CPED1: variants seen among roughly 807,000 people sequenced by gnomAD.
CPED1 encodes the protein cadherin like and PC-esterase domain containing 1, also known as cadherin-like and PC-esterase domain-containing protein 1.
CPED1 carries 114 observed loss-of-function variants against 128.2 expected under a neutral mutation model. The observed-to-expected ratio is 0.89, with a 90% confidence interval of 0.76 to 1.04. The LOEUF is 1.04. Ranked by LOEUF, CPED1 falls within the 50% of genes least tolerant of loss-of-function variation. The pLI, the probability that CPED1 is intolerant of heterozygous loss-of-function variation, is 0.00. For missense variants in CPED1, 1,211 were observed against 1,207.1 expected (o/e 1.00, Z -0.05); for synonymous variants, 462 against 426.7 (o/e 1.08, Z -1.02).
At chr7:121,181,119 A>C (rs1219613076) in intron 16 of CPED1, among the ~76,000 whole-genome samples, 2 of 152,078 alleles carry the variant, frequency 1.3e-5, no homozygotes, top group South Asian at 2.1e-4. Flanking sequence ...TCTTAAATGG[A>C]TTTATTGTGT....
At chr7:121,117,080 TATATATATATATATATATAA>T (rs1252771382) in intron 7 of CPED1, among the ~76,000 whole-genome samples, 6 of 78,774 alleles carry the variant, frequency 7.6e-5, no homozygotes, top group African/African-American at 1.6e-4. Context: ...ATACACATTA[TATATATATATATATATATAA>T]ATATATATAT....
chr7:121,019,457 G>A (rs1275755825), intron 3 of CPED1, among the ~76,000 whole-genome samples: 2 of 152,026 alleles, frequency 1.3e-5, no homozygotes, highest in Non-Finnish European at 2.9e-5. Flanking sequence ...GATTTTACAT[G>A]TTAAAAACAG....
chr7:121,145,992 A>C (rs1796017205), intron 16 of CPED1, among the ~76,000 whole-genome samples: 1 of 152,160 alleles, frequency 6.6e-6, no homozygotes, highest in African/African-American at 2.4e-5. Flanking sequence ...TTCTCCCTAC[A>C]TTTCAAATTA....
rs906315350 is a variant in CPED1, at chr7:121,142,090, C to T, written c.2004C>T (p.Asp668=). 2 of 1,612,402 alleles carry T rather than the reference C, an allele frequency of 1.2e-6. No individual in the cohort carries two copies. Among genetic ancestry groups the T allele is most frequent in the Non-Finnish European group, 8.5e-7 (1 of 1,178,836 alleles). ...ITYKLTIYRE[D]RPSLPLFEAF... is the part of the protein sequence containing the mutation. Reference sequence around the variant, plus strand: ...ACAAACTCACCATCTATAGAGAAGACCGCCCAAGTCTGCCCTTGTTTGAGG... The same window carrying T: ...ACAAACTCACCATCTATAGAGAAGATCGCCCAAGTCTGCCCTTGTTTGAGG... Residue 668 remains aspartate (D), a synonymous_variant, in exon 16 of 23, where the codon GAC becomes GAT. Transcript: ENST00000310396.
At chr7:121,048,539 G>T (rs1793272927) in intron 4 of CPED1, among the ~76,000 whole-genome samples, 1 of 151,362 alleles carries the variant, frequency 6.6e-6, no homozygotes, top group African/African-American at 2.4e-5. Flanking sequence ...TTCTGTTCTT[G>T]TTTTTGTTTT....
intron 4 of CPED1, among the ~76,000 whole-genome samples, chr7:121,062,406 A>G (rs1414057172): frequency 6.6e-6 from 1 of 152,206 alleles, no homozygotes; most frequent in Non-Finnish European, 1.5e-5. Context: ...AAAAGTCCAT[A>G]CGGACACCAA....
intron 16 of CPED1, among the ~76,000 whole-genome samples, chr7:121,175,912 G>A (rs577376616): frequency 1.9e-4 from 29 of 152,112 alleles, no homozygotes; most frequent in Non-Finnish European, 2.9e-4. Flanking sequence ...GTCAGGCAAG[G>A]CAGCTGGACC....
chr7:121,201,729 A>T (rs1797405935), intron 16 of CPED1, among the ~76,000 whole-genome samples: 1 of 152,276 alleles, frequency 6.6e-6, no homozygotes, highest in Admixed American at 6.5e-5. Flanking sequence ...GACAGAAAGC[A>T]GAAGGTAAAG....
At chr7:121,025,810 C>A (rs1297235406) in intron 3 of CPED1, among the ~76,000 whole-genome samples, 1 of 152,112 alleles carries the variant, frequency 6.6e-6, no homozygotes, top group Non-Finnish European at 1.5e-5. Context: ...GGAGATATAA[C>A]CTCTAGATAA....
intron 16 of CPED1, among the ~76,000 whole-genome samples, chr7:121,170,234 G>A (rs1022076062): frequency 1.3e-5 from 2 of 152,164 alleles, no homozygotes; most frequent in Non-Finnish European, 2.9e-5. Context: ...TCTATGCTCA[G>A]TGGCATCAGA....
chr7:121,014,651 A>G (rs916268851), intron 2 of CPED1, among the ~76,000 whole-genome samples: 1 of 152,062 alleles, frequency 6.6e-6, no homozygotes, highest in African/African-American at 2.4e-5. Context: ...GCTGAAAATC[A>G]TGGCATTCAC....
chr7:121,204,507 T>C (rs182007300), intron 16 of CPED1, among the ~76,000 whole-genome samples: 56 of 152,180 alleles, frequency 3.7e-4, no homozygotes, highest in Admixed American at 2.7e-3. Flanking sequence ...TGGGTGAAAA[T>C]TAGGTGCCCT....
rs567762714 is a variant in CPED1 at position 121,092,401 on chromosome 7, C to T, written c.617-5298C>T. On this transcript the variant is annotated intron_variant, in intron 5 of 22. Transcript: ENST00000310396. ...TTTGGGTAAGAAGAAGTGGAGTTCACTTATTAAGTATAGATTTATCTGAGA... is the reference window on the plus strand; with the variant it reads ...TTTGGGTAAGAAGAAGTGGAGTTCATTTATTAAGTATAGATTTATCTGAGA... Among the ~76,000 whole-genome samples, 7 of 152,202 alleles carry T rather than the reference C, an allele frequency of 4.6e-5. No individual in the cohort carries two copies. In the East Asian group the frequency reaches 1.2e-3, roughly 25 times the overall value.
intron 16 of CPED1, among the ~76,000 whole-genome samples, chr7:121,211,622 G>A (rs958915624): frequency 7.9e-6 from 1 of 126,574 alleles, no homozygotes; most frequent in African/African-American, 2.9e-5. Flanking sequence ...GGATTGTTGA[G>A]AATCAATGGC....
intron 16 of CPED1, among the ~76,000 whole-genome samples, chr7:121,173,973 C>G (rs1369027948): frequency 6.6e-6 from 1 of 152,112 alleles, no homozygotes; most frequent in East Asian, 1.9e-4. Flanking sequence ...TTGCATTTCT[C>G]TAATGATCAG....
At chr7:121,074,303 G>T (rs1415131219) in intron 5 of CPED1, among the ~76,000 whole-genome samples, 2 of 152,158 alleles carry the variant, frequency 1.3e-5, no homozygotes, top group Non-Finnish European at 2.9e-5. Flanking sequence ...CAGAAAAGGG[G>T]CTCTTGTCCA....
chr7:121,045,501 C>T (rs1249984511), intron 3 of CPED1, among the ~76,000 whole-genome samples: 1 of 152,204 alleles, frequency 6.6e-6, no homozygotes, highest in Non-Finnish European at 1.5e-5. Context: ...TCATAGATCC[C>T]TCTTCCTTAT....
intron 12 of CPED1, among the ~76,000 whole-genome samples, chr7:121,131,906 C>T (rs1335855344): frequency 6.7e-6 from 1 of 150,264 alleles, no homozygotes; most frequent in African/African-American, 2.4e-5. Flanking sequence ...TATCAGTATA[C>T]TTTCCTTTCC....
chr7:121,018,919 C>T (rs1016741395), intron 3 of CPED1, among the ~76,000 whole-genome samples: 4 of 152,050 alleles, frequency 2.6e-5, no homozygotes, highest in African/African-American at 4.8e-5. Flanking sequence ...CTTTGAAGGA[C>T]ACATGGCCCC....
Sources: allele counts gnomAD v4.1 joint callset (sites outside exome capture counted in the v4.1 genomes callset), GRCh38; gene constraint gnomAD v4.1.1; transcripts MANE v1.5; gene names NCBI Gene and HGNC (gene_info 2026-07-23, HGNC 2026-07-21).